Variants in PXDN observed in about 807,000 individuals in gnomAD.
The protein encoded by PXDN is peroxidasin homolog.
A neutral mutation model predicts 140.3 loss-of-function variants in PXDN; 77 were observed. The observed-to-expected ratio is 0.55, with a 90% confidence interval of 0.46 to 0.66. PXDN has a LOEUF of 0.66. Among genes scored for constraint, PXDN ranks in the 30% least tolerant of loss-of-function variants. The pLI, the probability that PXDN is intolerant of heterozygous loss-of-function variation, is 0.00. For missense variants in PXDN, 1,838 were observed against 2,039.5 expected, an observed-to-expected ratio of 0.90 and a Z score of 1.90; for synonymous variants, 911 against 857.4, an observed-to-expected ratio of 1.06 and a Z score of -1.09.
intron 1 of PXDN, among the ~76,000 whole-genome samples, chr2:1,694,564 C>T (rs1057153824): frequency 2.6e-5 from 4 of 152,216 alleles, no homozygotes; most frequent in South Asian, 2.1e-4. Context: ...CCCTCGCACC[C>T]GGGTTCGCTT....
At chr2:1,690,738 C>G (rs1448584553) in intron 3 of PXDN, among the ~76,000 whole-genome samples, 1 of 148,994 alleles carries the variant, frequency 6.7e-6, no homozygotes, top group East Asian at 2.0e-4. Flanking sequence ...CAGGCTTCAT[C>G]ATGTTTATAT....
intron 3 of PXDN, among the ~76,000 whole-genome samples, chr2:1,688,973 G>C (rs546506154): frequency 6.6e-6 from 1 of 151,904 alleles, no homozygotes; most frequent in Non-Finnish European, 1.5e-5. Context: ...TGGCTCTCAC[G>C]TCCTCCCTCC....
chr2:1,713,593 C>T (rs1056323313), intron 1 of PXDN, among the ~76,000 whole-genome samples: 7 of 152,244 alleles, frequency 4.6e-5, no homozygotes, highest in Non-Finnish European at 8.8e-5. Context: ...CTGTCTCCCT[C>T]ATAGCCCAGG....
intron 1 of PXDN, 105 bp downstream of exon 1, chr2:1,744,151 A>C: frequency 4.0e-4 from 370 of 914,128 alleles, no homozygotes; most frequent in East Asian, 2.0e-3. Context: ...CGCGCGCCCG[A>C]TGCCCCCTCC....
Position 1,648,757 on chromosome 2 carries a change from T to G in PXDN, c.3023A>C (p.His1008Pro). The part of the protein sequence containing the change: ...IATELLKLNP[H>P]WDGDTIYYET... ...ATAGTAGATGGTGTCGCCGTCCCAG[T>G]GCGGGTTCAGCTTGAGCAGCTCCGT... The change falls in exon 17 of 23, where the codon CAC becomes CCC. Residue 1008 changes from histidine (H) to proline (P), a missense_variant. His to Pro is a moderately conservative substitution (Grantham distance 77). Transcript: ENST00000252804. The surrounding 1 kb of genome is among the most constrained non-coding windows in gnomAD (Gnocchi z 8.9). The G allele has an allele frequency of 1.2e-6, 2 of 1,604,358 alleles. No homozygotes were observed. Among genetic ancestry groups the G allele is most frequent in the Non-Finnish European group, 1.7e-6 (2 of 1,176,010 alleles).
intron 6 of PXDN, among the ~76,000 whole-genome samples, chr2:1,681,906 G>A (rs948653173): frequency 2.0e-5 from 3 of 152,250 alleles, no homozygotes; most frequent in Non-Finnish European, 4.4e-5. Context: ...CTCTGAAGCA[G>A]AGAGGGCTAT....
chr2:1,687,013 C>G lies in PXDN; in HGVS notation c.416+619G>C, dbSNP rs1197824583. 6.6e-6 allele frequency among the ~76,000 whole-genome samples: 1 copy of G among 152,230 alleles called. No individual in the cohort carries two copies. The highest frequency in any genetic ancestry group is 1.9e-4 in the East Asian group (1 of 5,204). On this transcript the variant is annotated intron_variant, in intron 4 of 22. Transcript: ENST00000252804. This position sits in a 1 kb window ranked among gnomAD's most constrained non-coding sequence, Gnocchi z 4.0. Reference sequence around the variant, plus strand: ...GAGCAAACAAACCAGGACAAATCCTCCTTTTTACCAGGACATTGTAATGAA... The same window carrying G: ...GAGCAAACAAACCAGGACAAATCCTGCTTTTTACCAGGACATTGTAATGAA...
chr2:1,739,003 G>A (rs565943404), intron 1 of PXDN, among the ~76,000 whole-genome samples: 1 of 152,232 alleles, frequency 6.6e-6, no homozygotes, highest in Admixed American at 6.5e-5. Flanking sequence ...GCTTAAAAAG[G>A]CCCAAGTTTT....
chr2:1,658,055 TC>T (rs1683197915), intron 14 of PXDN, among the ~76,000 whole-genome samples: 3 of 129,062 alleles, frequency 2.3e-5, no homozygotes, highest in Non-Finnish European at 3.3e-5. Context: ...TCTCTCTCTC[TC>T]TCTCTCTCTC....
In PXDN at chr2:1,649,929, C is replaced by T. The variant is rs1258268820; in HGVS notation, c.2105-254G>A. Among the ~76,000 whole-genome samples, 2 of 152,146 alleles carry T rather than the reference C, an allele frequency of 1.3e-5. No homozygotes were observed. The highest frequency in any genetic ancestry group is 1.5e-5 in the Non-Finnish European group (1 of 68,018). On this transcript the variant is annotated intron_variant, in intron 16 of 22. Coordinates refer to ENST00000252804, the MANE Select transcript of PXDN (RefSeq NM_012293.3). This position sits in a 1 kb window ranked among gnomAD's most constrained non-coding sequence, Gnocchi z 7.1. The stretch of plus-strand genomic sequence containing the variant: ...CCAGTTTCTGGGCCCTGTCTCCCCT[C>T]CCCACTTAGCAGTCTCATGGTTTCA...
chr2:1,693,825 G>T (rs1157134605), intron 1 of PXDN, among the ~76,000 whole-genome samples: 1 of 152,188 alleles, frequency 6.6e-6, no homozygotes, highest in African/African-American at 2.4e-5. Flanking sequence ...GACTGAATCT[G>T]GTGCTGGAAA....
At chr2:1,713,334 G>A (rs1684825608) in intron 1 of PXDN, among the ~76,000 whole-genome samples, 1 of 152,194 alleles carries the variant, frequency 6.6e-6, no homozygotes, top group Non-Finnish European at 1.5e-5. Context: ...TTTGTGCTGT[G>A]GTAACTCAGC....
chr2:1,655,191 C>T (rs1683101249), intron 14 of PXDN, among the ~76,000 whole-genome samples: 1 of 151,562 alleles, frequency 6.6e-6, no homozygotes, highest in African/African-American at 2.4e-5. Flanking sequence ...ATTATACACA[C>T]ATGTCACATT....
chr2:1,675,044 A>C (rs1011025160), intron 8 of PXDN, among the ~76,000 whole-genome samples: 1 of 138,638 alleles, frequency 7.2e-6, no homozygotes, highest in Admixed American at 7.8e-5. Flanking sequence ...AATCTTCCTC[A>C]TGCTCTCCTC....
intron 6 of PXDN, among the ~76,000 whole-genome samples, chr2:1,682,971 AT>A (rs1683949965): frequency 6.6e-6 from 1 of 152,236 alleles, no homozygotes; most frequent in Non-Finnish European, 1.5e-5. Context: ...CCTCCTTAGT[AT>A]GCTGTAGAAA....
rs1204323373 is a variant in PXDN, at chr2:1,649,538, A to G, written c.2242T>C (p.Cys748Arg). ...CACATGGGGTGCTGCAGGTTGTTAC[A>G]GGTGCCGTCGTGCGTCCGGTACTTC... ...HQKYRTHDGT[C>R]NNLQHPMWGA... The change falls in exon 17 of 23, where the codon TGT (cysteine) becomes CGT (arginine). Residue 748 changes from cysteine to arginine, a missense_variant. Around this residue, in one of 5 missense-constraint regions of PXDN, gnomAD observed 537 missense variants for 583.9 expected, o/e 0.92. Transcript: ENST00000252804. This position sits in a 1 kb window ranked among gnomAD's most constrained non-coding sequence, Gnocchi z 7.1. The G allele has an allele frequency of 1.2e-6, 2 of 1,614,020 alleles. No individual in the cohort carries two copies. Among genetic ancestry groups the G allele is most frequent in the Admixed American group, 3.3e-5 (2 of 60,030 alleles).
intron 1 of PXDN, among the ~76,000 whole-genome samples, chr2:1,729,332 C>T (rs961340765): frequency 1.8e-4 from 27 of 152,170 alleles, no homozygotes; most frequent in African/African-American, 6.3e-4. Flanking sequence ...GCCTTCAGCC[C>T]CTGACCCTCC....
At chr2:1,744,128 T>G in intron 1 of PXDN, 128 bp downstream of exon 1, 2 of 1,005,620 alleles carry the variant, frequency 2.0e-6, no homozygotes, top group Non-Finnish European at 2.6e-6. Flanking sequence ...GCGTCCCAAG[T>G]CCCCAGGCCC....
intron 1 of PXDN, among the ~76,000 whole-genome samples, chr2:1,721,256 C>G (rs576672211): frequency 3.9e-5 from 6 of 152,296 alleles, no homozygotes; most frequent in Non-Finnish European, 7.3e-5. Flanking sequence ...GCAAATGTGG[C>G]AGGCAGCTGA....
Sources: gnomAD v4.1 joint callset for allele counts (sites outside exome capture counted in the v4.1 genomes callset) on GRCh38, gnomAD v4.1.1 for gene constraint, gnomAD v4.1.1 regional missense constraint, Gnocchi (gnomAD v3.1) non-coding constraint, MANE v1.5 for transcripts, NCBI Gene and HGNC (gene_info 2026-07-23, HGNC 2026-07-21) for gene names.